The following AK7 variants were observed in gnomAD, a reference collection of about 807,000 sequenced individuals.
AK7 encodes the protein adenylate kinase 7, also known as ATP-AMP transphosphorylase 7.
Under a neutral mutation model 96.6 loss-of-function variants are expected in AK7, and 78 were observed. That is an observed-to-expected ratio of 0.81 (90% CI 0.67 to 0.97). The LOEUF is 0.97. Among genes scored for constraint, AK7 ranks in the 50% least tolerant of loss-of-function variants. The pLI, the probability that AK7 is intolerant of heterozygous loss-of-function variation, is 0.00. For synonymous variants in AK7, 302 were observed against 317.2 expected (o/e 0.95, Z 0.51); for missense variants, 855 against 887.9 (o/e 0.96, Z 0.47).
At chr14:96,455,159 C>CAATAATAATAA (rs1395894777) in intron 10 of AK7, among the ~76,000 whole-genome samples, 2 of 152,016 alleles carry the variant, frequency 1.3e-5, no homozygotes, top group Admixed American at 1.3e-4. Context: ...AAGAGTGAAA[C>CAATAATAATAA]TCTGTCTCAA....
chr14:96,436,666 A>G (rs1193492468), intron 5 of AK7, among the ~76,000 whole-genome samples: 2 of 151,920 alleles, frequency 1.3e-5, no homozygotes, highest in Non-Finnish European at 2.9e-5. Flanking sequence ...CAAACAAACA[A>G]ACAAAAAACT....
chr14:96,446,256 A>G (rs1037637747), intron 7 of AK7, among the ~76,000 whole-genome samples: 1 of 152,222 alleles, frequency 6.6e-6, no homozygotes, highest in African/African-American at 2.4e-5. Flanking sequence ...GTCCAGAACC[A>G]GATGCATCTG....
intron 12 of AK7, among the ~76,000 whole-genome samples, chr14:96,458,532 A>T (rs1269071609): frequency 2.0e-5 from 3 of 152,080 alleles, no homozygotes; most frequent in Non-Finnish European, 4.4e-5. Context: ...ACCTGAGGTC[A>T]TGAGTTTGAG....
chr14:96,477,266 A>G (rs1205746615), intron 14 of AK7, among the ~76,000 whole-genome samples: 1 of 152,234 alleles, frequency 6.6e-6, no homozygotes, highest in Admixed American at 6.5e-5. Context: ...ATGTTCACAC[A>G]TGTCCACATG....
intron 3 of AK7, among the ~76,000 whole-genome samples, chr14:96,405,655 G>C (rs1028474213): frequency 6.6e-6 from 1 of 152,090 alleles, no homozygotes; most frequent in East Asian, 1.9e-4. Context: ...AACAAAGGGG[G>C]GTGCGCTCAC....
Position 96,438,370 on chromosome 14 carries a change from G to A in AK7, c.690+455G>A, listed in dbSNP as rs529492817. On this transcript the variant is annotated intron_variant, in intron 6 of 17. Coordinates refer to ENST00000267584, the MANE Select transcript of AK7 (RefSeq NM_152327.5). The stretch of plus-strand genomic sequence containing the variant: ...AGAGTGCTGGGGAGTAAGGTTGCGG[G>A]GATTGGGGCTGTTATATCTTATATA... Among the ~76,000 whole-genome samples, 7 of 152,258 alleles carry A rather than the reference G, an allele frequency of 4.6e-5. No homozygotes were observed. The South Asian group carries it at 6.2e-4, about 14-fold the overall frequency.
intron 4 of AK7, 121 bp downstream of exon 4, chr14:96,409,062 A>T (rs780110024): frequency 1.1e-6 from 1 of 932,486 alleles, no homozygotes; most frequent in Admixed American, 2.6e-5. Flanking sequence ...CCTATCCCAT[A>T]ATAAGCACCC....
intron 12 of AK7, among the ~76,000 whole-genome samples, chr14:96,459,051 AAATCGGCTGT>A (rs765965677): frequency 2.0e-5 from 3 of 152,086 alleles, no homozygotes; most frequent in Non-Finnish European, 4.4e-5. Flanking sequence ...AAAAAGAAAA[AAATCGGCTGT>A]GCCCGGTGGC....
intron 12 of AK7, among the ~76,000 whole-genome samples, chr14:96,461,258 C>T (rs1051015053): frequency 9.2e-5 from 14 of 152,176 alleles, no homozygotes; most frequent in African/African-American, 3.4e-4. Flanking sequence ...AGGTCAGCCT[C>T]GGCAACATAG....
chr14:96,464,324 G>C (rs1051820260), intron 12 of AK7, among the ~76,000 whole-genome samples: 2 of 151,840 alleles, frequency 1.3e-5, no homozygotes, highest in African/African-American at 4.8e-5. Flanking sequence ...AAGGTGGGAG[G>C]ATCTCTTGAG....
intron 12 of AK7, among the ~76,000 whole-genome samples, chr14:96,471,035 A>G (rs924515021): frequency 1.3e-5 from 2 of 152,176 alleles, no homozygotes; most frequent in African/African-American, 4.8e-5. Context: ...TCATGTTCAA[A>G]GTACAAAATC....
At chr14:96,404,934 T>C in intron 3 of AK7, 69 bp downstream of exon 3, 31 of 1,123,798 alleles carry the variant, frequency 2.8e-5, no homozygotes, top group Non-Finnish European at 4.0e-5. Flanking sequence ...CTAATAGTCA[T>C]CTAGGAACAC....
intron 14 of AK7, among the ~76,000 whole-genome samples, chr14:96,473,692 A>C (rs1895028616): frequency 6.6e-6 from 1 of 152,216 alleles, no homozygotes; most frequent in Non-Finnish European, 1.5e-5. Flanking sequence ...AAATGAATAG[A>C]AATCCCTGTG....
intron 4 of AK7, among the ~76,000 whole-genome samples, chr14:96,416,708 A>T (rs1302647747): frequency 6.6e-6 from 1 of 152,198 alleles, no homozygotes; most frequent in African/African-American, 2.4e-5. Flanking sequence ...TAAAACCCAT[A>T]TTAAAGGTTT....
intron 5 of AK7, among the ~76,000 whole-genome samples, chr14:96,425,277 C>G (rs1891957462): frequency 6.6e-6 from 1 of 152,156 alleles, no homozygotes; most frequent in Admixed American, 6.5e-5. Context: ...CTATGCACTC[C>G]AGAGGCTGGT....
chr14:96,452,825 T>C (rs1354323428), intron 10 of AK7, among the ~76,000 whole-genome samples: 2 of 152,078 alleles, frequency 1.3e-5, no homozygotes, highest in Admixed American at 1.3e-4. Flanking sequence ...AGATTCAGAC[T>C]AGGTAGGACG....
At chr14:96,436,697 C>G (rs1166848688) in intron 5 of AK7, among the ~76,000 whole-genome samples, 1 of 152,084 alleles carries the variant, frequency 6.6e-6, no homozygotes, top group Non-Finnish European at 1.5e-5. Context: ...TGCACCATCC[C>G]CTGTTCGCCT....
chr14:96,469,514 A>T (rs1385603278), intron 12 of AK7, among the ~76,000 whole-genome samples: 3 of 151,612 alleles, frequency 2.0e-5, no homozygotes, highest in Non-Finnish European at 4.4e-5. Flanking sequence ...AACGGATGAG[A>T]CTCTGTCTCA....
chr14:96,469,258 T>C (rs1286680222), intron 12 of AK7, among the ~76,000 whole-genome samples: 4 of 152,160 alleles, frequency 2.6e-5, no homozygotes, highest in African/African-American at 9.7e-5. Context: ...CGGCGGCTCA[T>C]TCCTGTAATC....
Sources: allele counts gnomAD v4.1 joint callset (sites outside exome capture counted in the v4.1 genomes callset), GRCh38; gene constraint gnomAD v4.1.1; transcripts MANE v1.5; gene names NCBI Gene and HGNC (gene_info 2026-07-23, HGNC 2026-07-21).